The following GAPVD1 variants were observed in gnomAD, a reference collection of about 807,000 sequenced individuals.
GAPVD1 encodes the protein GTPase activating protein and VPS9 domains 1, also known as GTPase-activating protein and VPS9 domain-containing protein 1.
A neutral mutation model predicts 155.5 loss-of-function variants in GAPVD1; 35 were observed. The ratio of observed to expected loss-of-function variants is 0.23; its 90% CI spans 0.17 to 0.30. The LOEUF (loss-of-function observed/expected upper bound fraction) is 0.30, where lower values mean the gene tolerates loss of function less well. Among genes scored for constraint, GAPVD1 ranks in the 10% least tolerant of loss-of-function variants. GAPVD1 has a pLI of 1.00. For missense variants in GAPVD1, 1,429 were observed against 1,775.7 expected, an observed-to-expected ratio of 0.80 and a Z score of 3.51; for synonymous variants, 636 against 619.7, an observed-to-expected ratio of 1.03 and a Z score of -0.39.
chr9:125,335,231 A>C (rs759639664), intron 15 of GAPVD1: 10 of 768,672 alleles, frequency 1.3e-5, no homozygotes, highest in Non-Finnish European at 2.2e-5. Context: ...AGAAGCAGAC[A>C]TGAGAATCCA....
chr9:125,300,665 C>T (rs1172469265), intron 4 of GAPVD1, among the ~76,000 whole-genome samples: 1 of 151,950 alleles, frequency 6.6e-6, no homozygotes, highest in African/African-American at 2.4e-5. Context: ...GGAAAGGGCA[C>T]GTGAAAGCGT....
chr9:125,305,545 A>T (rs183267811), intron 6 of GAPVD1, among the ~76,000 whole-genome samples: 19 of 151,992 alleles, frequency 1.3e-4, no homozygotes, highest in Admixed American at 1.2e-3. Flanking sequence ...TAATTTTTGT[A>T]TTTTTAGTAG....
In GAPVD1 at chr9:125,366,955, G is replaced by C. The variant is rs546000613; in HGVS notation, c.*4209G>C. 6.6e-6 allele frequency: 1 copy of C among 152,116 alleles called. No homozygotes were observed. The highest frequency in any genetic ancestry group is 2.4e-5 in the African/African-American group (1 of 41,400). The allele number at this position is 152,116 out of a possible 1,614,324, so 9.4% of individuals were successfully genotyped here. A position where few individuals can be genotyped will look rare whatever the true frequency, so the allele number is the denominator to read the frequency against. On this transcript the variant is annotated 3_prime_UTR_variant, in exon 28 of 28. Coordinates refer to ENST00000297933, the MANE Select transcript of GAPVD1 (RefSeq NM_001282680.3). ...GATAATGGCAGACAGTGTGGGTAGC[G>C]GCCATGCACTAGGGGAATTCACCTC...
In GAPVD1 at chr9:125,361,829, C is replaced by T. The variant is rs1044008398; in HGVS notation, c.4243-777C>T. ...GGTGACCATGTAGTTTGGGTGCACA[C>T]AGCCACTAAGTGATCGTATCACTTG... On this transcript the variant is annotated intron_variant, in intron 27 of 27. Coordinates refer to ENST00000297933, the MANE Select transcript of GAPVD1 (RefSeq NM_001282680.3). Among the ~76,000 whole-genome samples, 14 of 152,224 alleles carry T rather than the reference C, an allele frequency of 9.2e-5. No individual in the cohort carries two copies. In the East Asian group the frequency reaches 9.6e-4, roughly 10 times the overall value.
intron 2 of GAPVD1, among the ~76,000 whole-genome samples, chr9:125,291,123 A>C (rs1477916048): frequency 6.6e-6 from 1 of 152,118 alleles, no homozygotes; most frequent in African/African-American, 2.4e-5. Flanking sequence ...CTCATCTCTC[A>C]AGAAAAATAG....
At chr9:125,308,100 C>T (rs541406620) in intron 8 of GAPVD1, 6 of 593,904 alleles carry the variant, frequency 1.0e-5, no homozygotes, top group African/African-American at 3.7e-5. Context: ...TAATTGAAGT[C>T]ATGCTATCCA....
intron 15 of GAPVD1, among the ~76,000 whole-genome samples, chr9:125,333,698 G>A (rs182135433): frequency 7.5e-4 from 114 of 151,816 alleles, no homozygotes; most frequent in Non-Finnish European, 1.4e-3. Flanking sequence ...ATGTTGGTCA[G>A]GCTGGTCTGG....
chr9:125,323,266 C>T (rs140922240), intron 10 of GAPVD1, among the ~76,000 whole-genome samples: 185 of 150,580 alleles, frequency 1.2e-3, no homozygotes, highest in African/African-American at 4.1e-3. Context: ...GCCATCAGGC[C>T]GGCTAATTTT....
At chr9:125,282,163 C>G (rs527275678) in intron 2 of GAPVD1, among the ~76,000 whole-genome samples, 1 of 152,198 alleles carries the variant, frequency 6.6e-6, no homozygotes, top group East Asian at 1.9e-4. Flanking sequence ...CCTGTAGTCC[C>G]AGCTACTCGG....
chr9:125,273,964 C>T (rs1027059610), intron 2 of GAPVD1, among the ~76,000 whole-genome samples: 1 of 151,032 alleles, frequency 6.6e-6, no homozygotes, highest in Non-Finnish European at 1.5e-5. Context: ...AATAAATATT[C>T]TTTGTTTTTT....
chr9:125,348,334 A>G (rs1253739772), intron 20 of GAPVD1, among the ~76,000 whole-genome samples: 1 of 152,044 alleles, frequency 6.6e-6, no homozygotes, highest in Admixed American at 6.6e-5. Flanking sequence ...GGATATTTTC[A>G]TATATGAACA....
intron 1 of GAPVD1, among the ~76,000 whole-genome samples, chr9:125,263,058 T>G (rs1198053590): frequency 6.6e-6 from 1 of 152,224 alleles, no homozygotes; most frequent in Non-Finnish European, 1.5e-5. Context: ...TAGTTTGTTG[T>G]TTTGCTAATA....
chr9:125,270,162 C>G (rs1834654577), intron 2 of GAPVD1, among the ~76,000 whole-genome samples: 2 of 152,092 alleles, frequency 1.3e-5, no homozygotes, highest in African/African-American at 4.8e-5. Flanking sequence ...GGCATGGTGG[C>G]TCATGCCTGT....
intron 2 of GAPVD1, among the ~76,000 whole-genome samples, chr9:125,289,855 C>G (rs540072148): frequency 5.9e-5 from 9 of 152,200 alleles, no homozygotes; most frequent in Admixed American, 1.3e-4. Context: ...AGAAAAAGGT[C>G]TGAAGATTGA....
intron 12 of GAPVD1, among the ~76,000 whole-genome samples, chr9:125,326,897 A>G (rs1452912101): frequency 6.6e-6 from 1 of 152,074 alleles, no homozygotes; most frequent in Non-Finnish European, 1.5e-5. Flanking sequence ...TTTGCAGGGC[A>G]TAGTATAAGT....
chr9:125,322,126 G>C (rs531634171), intron 10 of GAPVD1, among the ~76,000 whole-genome samples: 1,617 of 151,868 alleles, frequency 0.011, 11 homozygotes, highest in Non-Finnish European at 0.017. Flanking sequence ...GTGCAGTGTC[G>C]CAATCTCGGC....
rs578233827 is a variant in GAPVD1, at chr9:125,312,492, A to G, written c.1482A>G (p.Leu494=). The part of the protein sequence containing the change: ...SRSRTNMLMD[L]HMDHEGSSQE... ...GCCGCACCAATATGCTAATGGACCT[A>G]CATATGGACCATGAAGGATCATCTC... is the stretch of plus-strand genomic sequence containing the variant. Residue 494 remains leucine (L), a synonymous_variant, in exon 9 of 28, where the codon CTA becomes CTG. Coordinates refer to ENST00000297933, the MANE Select transcript of GAPVD1 (RefSeq NM_001282680.3). 6 of 1,600,516 alleles carry G rather than the reference A, an allele frequency of 3.7e-6. No individual in the cohort carries two copies. Among genetic ancestry groups the G allele is most frequent in the South Asian group, 2.3e-5 (2 of 88,504 alleles).
intron 23 of GAPVD1, among the ~76,000 whole-genome samples, chr9:125,353,306 A>G (rs145783196): frequency 6.6e-6 from 1 of 152,304 alleles, no homozygotes; most frequent in East Asian, 1.9e-4. Flanking sequence ...CCAGTTCCCA[A>G]CAAGTTCCTC....
chr9:125,332,776 C>T (rs779050196), intron 15 of GAPVD1, 147 bp downstream of exon 15: 9 of 622,160 alleles, frequency 1.4e-5, no homozygotes, highest in Middle Eastern at 2.8e-4. Context: ...TAAATGTTCA[C>T]ATTCTAAATT....
Sources: allele counts gnomAD v4.1 joint callset (sites outside exome capture counted in the v4.1 genomes callset), GRCh38; gene constraint gnomAD v4.1.1; transcripts MANE v1.5; gene names NCBI Gene and HGNC (gene_info 2026-07-23, HGNC 2026-07-21).